DNER: variants seen among roughly 807,000 people sequenced by gnomAD.
The protein encoded by DNER is delta/notch like EGF repeat containing.
A neutral mutation model predicts 78.2 loss-of-function variants in DNER; 33 were observed. The observed-to-expected ratio is 0.42, with a 90% CI of 0.32 to 0.56. The LOEUF is 0.56. DNER is among the 20% of genes least tolerant of loss of function. The pLI, the probability that DNER is intolerant of heterozygous loss-of-function variation, is 0.11. For synonymous variants in DNER, 417 were observed against 384.8 expected (o/e 1.08, Z -0.98); for missense variants, 918 against 975.3 (o/e 0.94, Z 0.78).
intron 8 of DNER, among the ~76,000 whole-genome samples, chr2:229,436,002 AT>A (rs1694114133): frequency 1.3e-5 from 2 of 152,150 alleles, no homozygotes; most frequent in Admixed American, 1.3e-4. Flanking sequence ...CAGGTTTTTC[AT>A]ATAAGTAAAT....
intron 8 of DNER, among the ~76,000 whole-genome samples, chr2:229,443,499 T>C (rs1025303899): frequency 1.3e-5 from 2 of 152,190 alleles, no homozygotes; most frequent in African/African-American, 4.8e-5. Flanking sequence ...AAGATAACAT[T>C]TCAGTAATTA....
chr2:229,466,559 T>G (rs1376167160), intron 7 of DNER, among the ~76,000 whole-genome samples: 2 of 152,146 alleles, frequency 1.3e-5, no homozygotes, highest in South Asian at 4.2e-4. Context: ...CTGATCATAC[T>G]GTCCATGCTG....
intron 1 of DNER, among the ~76,000 whole-genome samples, chr2:229,689,547 C>G (rs893318066): frequency 1.3e-5 from 2 of 152,132 alleles, no homozygotes; most frequent in Non-Finnish European, 2.9e-5. Flanking sequence ...ATATGTTTAA[C>G]TCAGATTGGA....
At chr2:229,475,548 AG>A (rs1001900955) in intron 7 of DNER, among the ~76,000 whole-genome samples, 14 of 152,324 alleles carry the variant, frequency 9.2e-5, no homozygotes, top group African/African-American at 3.4e-4. Flanking sequence ...GCACTACTGG[AG>A]GGGCCATCTC....
intron 1 of DNER, among the ~76,000 whole-genome samples, chr2:229,667,717 C>T (rs1270334080): frequency 6.6e-6 from 1 of 152,132 alleles, no homozygotes; most frequent in Non-Finnish European, 1.5e-5. Context: ...AAAATGAAAG[C>T]TGAGATACTT....
At chr2:229,503,071 T>A (rs563480102) in intron 6 of DNER, among the ~76,000 whole-genome samples, 1 of 152,312 alleles carries the variant, frequency 6.6e-6, no homozygotes, top group East Asian at 1.9e-4. Flanking sequence ...GATACAATGG[T>A]CCTTGTACTA....
At chr2:229,583,518 T>G (rs1255660062) in intron 4 of DNER, among the ~76,000 whole-genome samples, 1 of 152,236 alleles carries the variant, frequency 6.6e-6, no homozygotes, top group Non-Finnish European at 1.5e-5. Flanking sequence ...TGTTGTAAAG[T>G]CAAAAGTCAT....
chr2:229,367,323 G>A (rs1338382159), intron 11 of DNER, among the ~76,000 whole-genome samples: 5 of 152,112 alleles, frequency 3.3e-5, no homozygotes, highest in Admixed American at 6.5e-5. Context: ...ACTACAGGCC[G>A]GGCACAGTGG....
intron 8 of DNER, among the ~76,000 whole-genome samples, chr2:229,427,999 C>T (rs1320703186): frequency 5.3e-5 from 8 of 150,268 alleles, no homozygotes; most frequent in South Asian, 2.1e-4. Context: ...TGCTTGAACC[C>T]GGGAGGCAGA....
Position 229,646,293 on chromosome 2 carries a change from A to T in DNER, c.277-54405T>A, listed in dbSNP as rs1178199083. Among the ~76,000 whole-genome samples the T allele has an allele frequency of 3.9e-5, 6 of 152,338 alleles. No homozygotes were observed. In the East Asian group the frequency reaches 1.2e-3, roughly 29 times the overall value. On this transcript the variant is annotated intron_variant, in intron 1 of 12. Transcript: ENST00000341772. ...CTAGCATATTGCTTGGATTGCCAAG[A>T]AAAAAATGTGTAATAAATAATAAAA...
In DNER at chr2:229,419,521, CA is replaced by C. The variant is rs1693720781; in HGVS notation, c.1487-1292del. Among the ~76,000 whole-genome samples, 3 of 152,318 alleles carry C rather than the reference CA, an allele frequency of 2.0e-5. No individual in the cohort carries two copies. In the South Asian group the frequency reaches 6.2e-4, roughly 32 times the overall value. ...TCAAACTCAGAAAGTCCCATTAGAA[CA>C]TGCTAATATGTTGAACTGCTTTGTT... On this transcript the variant is annotated intron_variant, in intron 8 of 12. Coordinates refer to ENST00000341772, the MANE Select transcript of DNER (RefSeq NM_139072.4).
rs1346294893 is a variant in DNER at position 229,598,643 on chromosome 2, G to C, written c.277-6755C>G. 4.6e-5 allele frequency among the ~76,000 whole-genome samples: 7 copies of C among 152,128 alleles called. No individual in the cohort carries two copies. The East Asian group carries it at 1.4e-3, about 29-fold the overall frequency. On this transcript the variant is annotated intron_variant, in intron 1 of 12. Coordinates refer to ENST00000341772, the MANE Select transcript of DNER (RefSeq NM_139072.4). ...GAAACGAAATTATGAGCAGGTGTTGGGACCAGTCTCTTTTAGAATGATAGC... is the reference window on the plus strand; with the variant it reads ...GAAACGAAATTATGAGCAGGTGTTGCGACCAGTCTCTTTTAGAATGATAGC...
intron 4 of DNER, among the ~76,000 whole-genome samples, chr2:229,561,871 T>G (rs1278480549): frequency 6.6e-6 from 1 of 152,190 alleles, no homozygotes; most frequent in Non-Finnish European, 1.5e-5. Flanking sequence ...AGCTAAAGTA[T>G]GTTTCTCCTC....
At chr2:229,377,990 G>A (rs960751884) in intron 11 of DNER, among the ~76,000 whole-genome samples, 5 of 152,174 alleles carry the variant, frequency 3.3e-5, no homozygotes, top group Non-Finnish European at 5.9e-5. Context: ...AACCAGAAGA[G>A]TCCTAATAAG....
chr2:229,433,644 C>T (rs780238319), intron 8 of DNER, among the ~76,000 whole-genome samples: 1 of 152,176 alleles, frequency 6.6e-6, no homozygotes, highest in Non-Finnish European at 1.5e-5. Flanking sequence ...TCTGATCTAG[C>T]TTCCTTAACC....
At chr2:229,557,550 G>A (rs1696873858) in intron 4 of DNER, among the ~76,000 whole-genome samples, 1 of 152,088 alleles carries the variant, frequency 6.6e-6, no homozygotes, top group Non-Finnish European at 1.5e-5. Flanking sequence ...GTGCCACATA[G>A]GAGGCAATGA....
Position 229,358,612 on chromosome 2 carries a change from G to T in DNER, c.2142C>A (p.Ser714Arg). Reference sequence around the variant, plus strand: ...GACTGTAATCTTCATAGGCGATGGGGCTCACATCATACATTGCAGGCCGGG... The same window carrying T: ...GACTGTAATCTTCATAGGCGATGGGTCTCACATCATACATTGCAGGCCGGG... ...KKSRPAMYDV[S>R]PIAYEDYSPD... The change falls in exon 13 of 13, where the codon AGC becomes AGA. Residue 714 changes from serine (S) to arginine (R), a missense_variant. Transcript: ENST00000341772. 6.2e-7 allele frequency: 1 copy of T among 1,613,834 alleles called. No individual in the cohort carries two copies. The highest frequency in any genetic ancestry group is 1.1e-5 in the South Asian group (1 of 91,036).
At chr2:229,574,967 TA>T (rs1697272011) in intron 4 of DNER, among the ~76,000 whole-genome samples, 1 of 152,132 alleles carries the variant, frequency 6.6e-6, no homozygotes, top group Non-Finnish European at 1.5e-5. Flanking sequence ...GTCTCTAAGT[TA>T]AAAGAAAAAG....
intron 5 of DNER, among the ~76,000 whole-genome samples, chr2:229,538,060 G>GT (rs1434741345): frequency 2.0e-5 from 3 of 151,752 alleles, no homozygotes; most frequent in Non-Finnish European, 4.4e-5. Flanking sequence ...TTCTTTACTC[G>GT]TTAAAAAAAA....
Sources: gnomAD v4.1 joint callset for allele counts (sites outside exome capture counted in the v4.1 genomes callset) on GRCh38, gnomAD v4.1.1 for gene constraint, MANE v1.5 for transcripts, NCBI Gene and HGNC (gene_info 2026-07-23, HGNC 2026-07-21) for gene names.